The following MED27 variants were observed in gnomAD, a reference collection of about 807,000 sequenced individuals.
MED27 encodes mediator complex subunit 27.
A neutral mutation model predicts 38.2 loss-of-function variants in MED27; 30 were observed. The observed-to-expected ratio is 0.79, with a 90% CI of 0.59 to 1.07. The LOEUF (loss-of-function observed/expected upper bound fraction) is 1.07. MED27 is among the 50% of genes least tolerant of loss of function. The pLI, the probability that MED27 is intolerant of heterozygous loss-of-function variation, is 0.00. For missense variants in MED27, 289 were observed against 397.5 expected (o/e 0.73, Z 2.32); for synonymous variants, 122 against 153.5 (o/e 0.79, Z 1.52).
At chr9:131,871,100 C>A (rs950129867) in intron 6 of MED27, among the ~76,000 whole-genome samples, 7 of 152,054 alleles carry the variant, frequency 4.6e-5, no homozygotes, top group African/African-American at 1.7e-4. Context: ...CACTGTGTGC[C>A]CGGGATTCAG....
intron 3 of MED27, among the ~76,000 whole-genome samples, chr9:132,007,536 C>T (rs1437290977): frequency 6.6e-6 from 1 of 151,982 alleles, no homozygotes; most frequent in Non-Finnish European, 1.5e-5. Flanking sequence ...ACAGTAGTTG[C>T]CTGGGGTGGG....
At chr9:131,968,447 C>A (rs555250552) in intron 3 of MED27, among the ~76,000 whole-genome samples, 7 of 141,532 alleles carry the variant, frequency 4.9e-5, no homozygotes, top group Non-Finnish European at 9.0e-5. Flanking sequence ...GCACTCCAGC[C>A]TAGGCAAGAG....
intron 2 of MED27, among the ~76,000 whole-genome samples, chr9:132,034,814 T>A (rs1421014422): frequency 1.3e-5 from 2 of 152,174 alleles, no homozygotes; most frequent in Non-Finnish European, 2.9e-5. Flanking sequence ...ATGTGACATG[T>A]AGGTCTTCAT....
In MED27 at chr9:131,917,870, CT is replaced by C. The variant is rs1448558425; in HGVS notation, c.573+21510del. ...ACTGACTAAAACTGAATTAGACAGCCTTAAAAAAATAAAAATAAAAATAAAG... is the reference window on the plus strand; with the variant it reads ...ACTGACTAAAACTGAATTAGACAGCCTAAAAAAATAAAAATAAAAATAAAG... On this transcript the variant is annotated intron_variant, in intron 4 of 7. Transcript: ENST00000292035. The surrounding 1 kb of genome is among the most constrained non-coding windows in gnomAD (Gnocchi z 4.6). Among the ~76,000 whole-genome samples, 1 of 152,002 alleles carries C rather than the reference CT, an allele frequency of 6.6e-6. No homozygotes were observed. Among genetic ancestry groups the C allele is most frequent in the Non-Finnish European group, 1.5e-5 (1 of 68,008 alleles).
In MED27 at chr9:132,075,725, T is replaced by G. The variant is rs190577038; in HGVS notation, c.348+1717A>C. On this transcript the variant is annotated intron_variant, in intron 2 of 7. Coordinates refer to ENST00000292035, the MANE Select transcript of MED27 (RefSeq NM_004269.4). ...CAGCCTGAATCTTCTCACCACTGAA[T>G]AGCCCTTGTCACTGTAGCCTATTTT... Among the ~76,000 whole-genome samples the G allele has an allele frequency of 1.6e-4, 25 of 152,356 alleles. No homozygotes were observed. In the East Asian group the frequency reaches 4.0e-3, roughly 25 times the overall value.
rs866581629 is a variant in MED27, at chr9:131,948,509, A to C, written c.480-9035T>G. ...AAAAAACAAAAACAAAAACAAAAAA[A>C]AAAAACAAAAAACCAAAACATAACA... On this transcript the variant is annotated intron_variant, in intron 3 of 7. Coordinates refer to ENST00000292035, the MANE Select transcript of MED27 (RefSeq NM_004269.4). 6.3e-3 allele frequency among the ~76,000 whole-genome samples: 964 copies of C among 152,048 alleles called. 10 individuals are homozygous for C. The highest frequency in any genetic ancestry group is 0.019 in the African/African-American group (794 of 41,448).
intron 3 of MED27, among the ~76,000 whole-genome samples, chr9:131,985,703 T>C (rs1356933334): frequency 2.0e-5 from 3 of 152,228 alleles, no homozygotes; most frequent in Non-Finnish European, 2.9e-5. Flanking sequence ...AATTGTTTTT[T>C]TTTTTTAGCA....
intron 2 of MED27, among the ~76,000 whole-genome samples, chr9:132,030,047 C>A (rs940180090): frequency 1.3e-5 from 2 of 152,176 alleles, no homozygotes; most frequent in Non-Finnish European, 2.9e-5. Context: ...AGACAACAAA[C>A]TGGTGACTTA....
In MED27 at chr9:131,861,033, C is replaced by T. The variant is rs1478341310; in HGVS notation, c.802-361G>A. Among the ~76,000 whole-genome samples, 1 of 152,120 alleles carries T rather than the reference C, an allele frequency of 6.6e-6. No individual in the cohort carries two copies. Among genetic ancestry groups the T allele is most frequent in the African/African-American group, 2.4e-5 (1 of 41,408 alleles). ...TCTTCTGAATGTCAGTATCCATCCT[C>T]TTCTCCTTGCCCACTACTAAGAGGT... On this transcript the variant is annotated intron_variant, in intron 7 of 7. Transcript: ENST00000292035. This position sits in a 1 kb window ranked among gnomAD's most constrained non-coding sequence, Gnocchi z 4.4.
chr9:131,898,594 A>AT (rs35060514), intron 4 of MED27, among the ~76,000 whole-genome samples: 4,687 of 140,972 alleles, frequency 0.033, 127 homozygotes, highest in African/African-American at 0.078. Flanking sequence ...GGCTTTATGC[A>AT]TTTTTTTTTT....
intron 1 of MED27, among the ~76,000 whole-genome samples, chr9:132,079,420 G>A (rs1457277996): frequency 6.6e-6 from 1 of 152,172 alleles, no homozygotes; most frequent in Non-Finnish European, 1.5e-5. Flanking sequence ...CGAGGATGGC[G>A]GAAGACAAAC....
At chr9:131,949,298 G>A (rs1401999813) in intron 3 of MED27, among the ~76,000 whole-genome samples, 1 of 152,182 alleles carries the variant, frequency 6.6e-6, no homozygotes, top group African/African-American at 2.4e-5. Flanking sequence ...CCCGAGCTTG[G>A]CCTTTCTGCT....
intron 2 of MED27, among the ~76,000 whole-genome samples, chr9:132,070,219 C>T (rs190106267): frequency 6.6e-6 from 1 of 152,294 alleles, no homozygotes; most frequent in East Asian, 1.9e-4. Flanking sequence ...TGGAGAGAAT[C>T]CAAAAGTTCT....
At chr9:132,047,676 C>A (rs1394884486) in intron 2 of MED27, among the ~76,000 whole-genome samples, 1 of 151,984 alleles carries the variant, frequency 6.6e-6, no homozygotes, top group East Asian at 1.9e-4. Flanking sequence ...AAATTTCCAA[C>A]AACAAGAAAA....
intron 2 of MED27, among the ~76,000 whole-genome samples, chr9:132,056,889 A>AC (rs1833590367): frequency 6.6e-6 from 1 of 152,210 alleles, no homozygotes; most frequent in South Asian, 2.1e-4. Context: ...CATATGGCTG[A>AC]CCGACGCTGA....
intron 6 of MED27, among the ~76,000 whole-genome samples, chr9:131,870,203 G>A (rs1352870498): frequency 6.6e-6 from 1 of 152,146 alleles, no homozygotes; most frequent in Non-Finnish European, 1.5e-5. Context: ...AACCCACATC[G>A]CCATTTACTG....
intron 6 of MED27, among the ~76,000 whole-genome samples, chr9:131,873,924 C>T (rs577950543): frequency 3.3e-5 from 5 of 152,328 alleles, no homozygotes; most frequent in East Asian, 1.9e-4. Flanking sequence ...GTGCCACTGA[C>T]GCCTGAAAGG....
At chr9:131,953,503 A>G (rs377638773) in intron 3 of MED27, among the ~76,000 whole-genome samples, 2 of 152,334 alleles carry the variant, frequency 1.3e-5, no homozygotes, top group East Asian at 1.9e-4. Flanking sequence ...AGTAAATAAA[A>G]CCTGTGATTT....
chr9:132,063,035 G>C (rs777898446), intron 2 of MED27, among the ~76,000 whole-genome samples: 5 of 152,212 alleles, frequency 3.3e-5, no homozygotes, highest in Non-Finnish European at 5.9e-5. Flanking sequence ...GGAAGCTGTT[G>C]CAAGTGTCCT....
Sources: gnomAD v4.1 joint callset for allele counts (sites outside exome capture counted in the v4.1 genomes callset) on GRCh38, gnomAD v4.1.1 for gene constraint, Gnocchi (gnomAD v3.1) non-coding constraint, MANE v1.5 for transcripts, NCBI Gene and HGNC (gene_info 2026-07-23, HGNC 2026-07-21) for gene names.